IFTAP: variants seen among roughly 807,000 people sequenced by gnomAD.
IFTAP encodes the protein intraflagellar transport-associated protein.
IFTAP carries 19 observed loss-of-function variants against 19.4 expected under a neutral mutation model. The observed-to-expected ratio is 0.98, with a 90% confidence interval of 0.68 to 1.44. IFTAP has a LOEUF of 1.44. IFTAP is among the 40% of genes most tolerant of loss of function. IFTAP has a pLI of 0.00. For missense variants in IFTAP, 240 were observed against 253.6 expected (o/e 0.95, Z 0.36); for synonymous variants, 85 against 83.5 (o/e 1.02, Z -0.10).
chr11:36,640,851 A>C (rs1193036773), intron 4 of IFTAP, among the ~76,000 whole-genome samples: 1 of 152,332 alleles, frequency 6.6e-6, no homozygotes, highest in East Asian at 1.9e-4. Context: ...TATTTTCCAA[A>C]TGACCAATTA....
At chr11:36,658,740 G>A (rs1036067560) in intron 5 of IFTAP, among the ~76,000 whole-genome samples, 12 of 152,098 alleles carry the variant, frequency 7.9e-5, no homozygotes, top group Non-Finnish European at 2.9e-5. Context: ...TGTATAATGA[G>A]TATATGCAAG....
At position 36,610,197 on chromosome 11, in the gene IFTAP, T is replaced by C. The variant is rs1374420454; in HGVS notation, c.94T>C (p.Tyr32His). The change falls in exon 2 of 6, where the codon TAT becomes CAT. Residue 32 changes from tyrosine to histidine, a missense_variant. Coordinates refer to ENST00000334307, the MANE Select transcript of IFTAP (RefSeq NM_138787.4). ...DKFLNCHEQT[Y>H]DEEFLNTFTH... Reference sequence around the variant, plus strand: ...ATTCCTTAATTGTCATGAGCAAACATATGATGAAGAATTTCTGAACACTTT... The same window carrying C: ...ATTCCTTAATTGTCATGAGCAAACACATGATGAAGAATTTCTGAACACTTT... The C allele has an allele frequency of 3.1e-6, 5 of 1,610,406 alleles. No homozygotes were observed. The highest frequency in any genetic ancestry group is 4.2e-6 in the Non-Finnish European group (5 of 1,177,062).
chr11:36,644,214 A>T (rs1419085009), intron 4 of IFTAP, among the ~76,000 whole-genome samples: 1 of 152,220 alleles, frequency 6.6e-6, no homozygotes, highest in Non-Finnish European at 1.5e-5. Context: ...TTCTCAAAAG[A>T]AGACATTTAT....
At chr11:36,617,914 T>G (rs1380882128) in intron 2 of IFTAP, among the ~76,000 whole-genome samples, 3 of 151,956 alleles carry the variant, frequency 2.0e-5, no homozygotes, top group Non-Finnish European at 4.4e-5. Context: ...GAGTGAGAGA[T>G]TATTAAAAAA....
At chr11:36,624,003 A>AT (rs1457366373) in intron 2 of IFTAP, among the ~76,000 whole-genome samples, 1 of 150,242 alleles carries the variant, frequency 6.7e-6, no homozygotes, top group Non-Finnish European at 1.5e-5. Context: ...GTGTATATAT[A>AT]TATTTTTTTC....
intron 1 of IFTAP, among the ~76,000 whole-genome samples, chr11:36,602,070 G>C (rs1192075040): frequency 6.6e-6 from 1 of 152,200 alleles, no homozygotes; most frequent in African/African-American, 2.4e-5. Context: ...AAAGTATTGA[G>C]TGAAATTGGA....
chr11:36,652,486 TATC>T (rs1853782952), intron 5 of IFTAP, among the ~76,000 whole-genome samples: 1 of 152,226 alleles, frequency 6.6e-6, no homozygotes, highest in African/African-American at 2.4e-5. Context: ...TAGACAATCA[TATC>T]ATCTGCAAAC....
chr11:36,622,400 C>A (rs1284739713), intron 2 of IFTAP, among the ~76,000 whole-genome samples: 1 of 152,022 alleles, frequency 6.6e-6, no homozygotes, highest in Non-Finnish European at 1.5e-5. Flanking sequence ...CATGATCTTA[C>A]GGTGAAGGAA....
intron 2 of IFTAP, among the ~76,000 whole-genome samples, chr11:36,632,195 A>C (rs978243817): frequency 2.6e-5 from 4 of 151,196 alleles, no homozygotes; most frequent in African/African-American, 9.9e-5. Context: ...TGGTATTCTG[A>C]GGATTAAATG....
chr11:36,605,264 T>G (rs569814914), intron 1 of IFTAP, among the ~76,000 whole-genome samples: 7 of 151,858 alleles, frequency 4.6e-5, no homozygotes, highest in Middle Eastern at 3.4e-3. Flanking sequence ...TCAGAGTTTT[T>G]AACCACCTCC....
chr11:36,652,300 T>A (rs1853774310), intron 5 of IFTAP, among the ~76,000 whole-genome samples: 2 of 152,202 alleles, frequency 1.3e-5, no homozygotes, highest in African/African-American at 4.8e-5. Context: ...AAGTATTTTA[T>A]TCTCTTTGAA....
intron 4 of IFTAP, among the ~76,000 whole-genome samples, chr11:36,639,897 T>C (rs563160431): frequency 2.0e-5 from 3 of 152,246 alleles, no homozygotes; most frequent in African/African-American, 7.2e-5. Flanking sequence ...TTACCTCTTT[T>C]TTTGAAAAAA....
intron 5 of IFTAP, among the ~76,000 whole-genome samples, chr11:36,652,874 A>G (rs1853806442): frequency 6.6e-6 from 1 of 152,106 alleles, no homozygotes; most frequent in Admixed American, 6.6e-5. Context: ...GTATAGAATT[A>G]CCTTGCCTTA....
intron 2 of IFTAP, among the ~76,000 whole-genome samples, chr11:36,626,105 T>A (rs373449528): frequency 3.3e-5 from 5 of 151,250 alleles, no homozygotes; most frequent in African/African-American, 1.2e-4. Flanking sequence ...TTGATTGATT[T>A]TAGTACTAGC....
intron 2 of IFTAP, among the ~76,000 whole-genome samples, chr11:36,613,721 A>G (rs1565010015): frequency 6.6e-6 from 1 of 152,062 alleles, no homozygotes; most frequent in Non-Finnish European, 1.5e-5. Flanking sequence ...TAGAACCAGG[A>G]AAGTTTGACA....
chr11:36,635,048 A>C (rs545709097), intron 3 of IFTAP, among the ~76,000 whole-genome samples: 23 of 152,348 alleles, frequency 1.5e-4, no homozygotes, highest in African/African-American at 5.3e-4. Context: ...CTTGGATGCC[A>C]GATAATAACT....
intron 1 of IFTAP, among the ~76,000 whole-genome samples, chr11:36,605,496 T>C (rs1425153832): frequency 6.6e-6 from 1 of 152,222 alleles, no homozygotes; most frequent in Non-Finnish European, 1.5e-5. Context: ...TCATGTATCA[T>C]ATTTCATAAT....
intron 2 of IFTAP, among the ~76,000 whole-genome samples, chr11:36,614,381 G>T (rs1256774314): frequency 6.7e-6 from 1 of 148,318 alleles, no homozygotes; most frequent in South Asian, 2.2e-4. Context: ...ATAAACATAC[G>T]TGTGCATGTG....
At chr11:36,655,324 C>T (rs958081573) in intron 5 of IFTAP, among the ~76,000 whole-genome samples, 2 of 152,168 alleles carry the variant, frequency 1.3e-5, no homozygotes, top group African/African-American at 2.4e-5. Flanking sequence ...GCTCAGATAT[C>T]ACCTGTTCCA....
Sources: gnomAD v4.1 joint callset for allele counts (sites outside exome capture counted in the v4.1 genomes callset) on GRCh38, gnomAD v4.1.1 for gene constraint, MANE v1.5 for transcripts, NCBI Gene and HGNC (gene_info 2026-07-23, HGNC 2026-07-21) for gene names.